The following LMO1 variants were observed in gnomAD, a reference collection of about 807,000 sequenced individuals.
LMO1 encodes the protein LIM domain only 1.
LMO1 carries 10 observed loss-of-function variants against 18.0 expected under a neutral mutation model. That is an observed-to-expected ratio of 0.55 (90% confidence interval 0.34 to 0.94). LMO1 has a LOEUF of 0.94. Among genes scored for constraint, LMO1 ranks in the 40% least tolerant of loss-of-function variants. The probability of loss-of-function intolerance (pLI) is 0.02; values close to 1 mark genes in which losing one functional copy is unlikely to be tolerated. For synonymous variants in LMO1, 77 were observed against 77.9 expected, an observed-to-expected ratio of 0.99 and a Z score of 0.06; for missense variants, 183 against 205.7, an observed-to-expected ratio of 0.89 and a Z score of 0.68.
chr11:8,250,902 C>G lies in LMO1; in HGVS notation c.25+12436G>C, dbSNP rs181305745. On this transcript the variant is annotated intron_variant, in intron 1 of 3. Coordinates refer to ENST00000335790, the MANE Select transcript of LMO1 (RefSeq NM_002315.3). ...TGACTTCCACTCACTGGCCTCCAGG[C>G]TTTGAACCTGCTCCAGGGGTCCCCT... Among the ~76,000 whole-genome samples, 50 of 152,348 alleles carry G rather than the reference C, an allele frequency of 3.3e-4. No homozygotes were observed. In the East Asian group the frequency reaches 7.7e-3, roughly 24 times the overall value.
chr11:8,263,232 C>T lies in LMO1; in HGVS notation c.25+106G>A, dbSNP rs529774020. The T allele has an allele frequency of 1.7e-3, 1,937 of 1,128,454 alleles. 3 individuals are homozygous for T. Among genetic ancestry groups the T allele is most frequent in the Non-Finnish European group, 2.1e-3 (1,756 of 845,404 alleles). 69.9% of individuals were successfully genotyped at this position (1,128,454 alleles called of 1,614,324 possible). A position where few individuals can be genotyped will look rare whatever the true frequency, so the allele number is the denominator to read the frequency against. ...AGCGCGCCGCCCGCCCCGCAATCCC[C>T]GCACAGCCCAGCAGGTGTGCGCCCG... On this transcript the variant is annotated intron_variant, in intron 1 of 3. Transcript: ENST00000335790.
intron 1 of LMO1, among the ~76,000 whole-genome samples, chr11:8,249,249 C>T (rs897692768): frequency 6.6e-6 from 1 of 152,096 alleles, no homozygotes; most frequent in Non-Finnish European, 1.5e-5. Flanking sequence ...ACCCAGACTG[C>T]GAGCTCTGGA....
At chr11:8,257,465 A>G (rs1025436188) in intron 1 of LMO1, among the ~76,000 whole-genome samples, 2 of 152,224 alleles carry the variant, frequency 1.3e-5, no homozygotes, top group Non-Finnish European at 2.9e-5. Flanking sequence ...TAGGCTGGCA[A>G]GGGGCATAAC....
chr11:8,263,006 G>C (rs1363970027), intron 1 of LMO1, among the ~76,000 whole-genome samples: 2 of 152,110 alleles, frequency 1.3e-5, no homozygotes, highest in Non-Finnish European at 2.9e-5. Context: ...GAACCTCCGC[G>C]GCGCGGAGAT....
intron 1 of LMO1, among the ~76,000 whole-genome samples, chr11:8,260,887 G>A (rs1018688092): frequency 1.3e-5 from 2 of 152,132 alleles, no homozygotes; most frequent in Non-Finnish European, 2.9e-5. Flanking sequence ...GGGGAGCCGG[G>A]GGGTGGGGGA....
At chr11:8,268,441 A>G, upstream of LMO1, 1 of 1,466,988 alleles carries the variant, frequency 6.8e-7, no homozygotes, top group South Asian at 1.3e-5. Context: ...CTCCTGGTCC[A>G]ACACCATGGT....
chr11:8,227,501 G>A (rs926333039), intron 2 of LMO1, among the ~76,000 whole-genome samples: 1 of 152,174 alleles, frequency 6.6e-6, no homozygotes, highest in East Asian at 1.9e-4. Flanking sequence ...GTCTCTCTGA[G>A]CCTCATTTAC....
intron 2 of LMO1, among the ~76,000 whole-genome samples, chr11:8,228,468 G>A (rs981319713): frequency 6.6e-6 from 1 of 152,226 alleles, no homozygotes; most frequent in Non-Finnish European, 1.5e-5. Context: ...GGCAGACAAA[G>A]GCTAGGCCAC....
upstream of LMO1, among the ~76,000 whole-genome samples, chr11:8,265,795 C>T (rs966415696): frequency 1.3e-5 from 2 of 152,160 alleles, no homozygotes; most frequent in Admixed American, 6.5e-5. Context: ...AACTTCTTGC[C>T]GTAGAAACCT....
At chr11:8,231,191 T>C (rs770940703) in intron 1 of LMO1, among the ~76,000 whole-genome samples, 5 of 152,304 alleles carry the variant, frequency 3.3e-5, no homozygotes, top group Non-Finnish European at 7.4e-5. Context: ...GCTCTGAGCC[T>C]CTGGATCCTT....
intron 1 of LMO1, among the ~76,000 whole-genome samples, chr11:8,239,143 A>G (rs1952811010): frequency 6.6e-6 from 1 of 152,224 alleles, no homozygotes; most frequent in Non-Finnish European, 1.5e-5. Flanking sequence ...CTGGCCTGTC[A>G]GAATCCAGAG....
chr11:8,263,930 A>AC (rs1223667133), upstream of LMO1: 5 of 976,632 alleles, frequency 5.1e-6, no homozygotes, highest in East Asian at 3.4e-4. Flanking sequence ...TGAGGCCTCC[A>AC]CCCTCCCGGG....
chr11:8,250,161 G>A (rs1846965325), intron 1 of LMO1, among the ~76,000 whole-genome samples: 1 of 152,050 alleles, frequency 6.6e-6, no homozygotes, highest in Non-Finnish European at 1.5e-5. Context: ...ACAAATTAGA[G>A]TTTTTGCCAC....
chr11:8,241,262 C>T (rs1025227286), intron 1 of LMO1, among the ~76,000 whole-genome samples: 1 of 152,192 alleles, frequency 6.6e-6, no homozygotes, highest in Non-Finnish European at 1.5e-5. Flanking sequence ...TCCCTGCCAA[C>T]TCTTGCTCCT....
At chr11:8,268,414 G>T, upstream of LMO1, 1 of 1,468,542 alleles carries the variant, frequency 6.8e-7, no homozygotes, top group South Asian at 1.3e-5. Context: ...GGCACCGGGC[G>T]CCGGGCACCT....
intron 1 of LMO1, among the ~76,000 whole-genome samples, chr11:8,231,596 AC>A (rs1196400336): frequency 6.6e-6 from 1 of 152,010 alleles, no homozygotes; most frequent in Non-Finnish European, 1.5e-5. Context: ...TTGCCTGAGA[AC>A]CCTTGTGAAG....
chr11:8,259,476 T>C (rs1441453187), intron 1 of LMO1, among the ~76,000 whole-genome samples: 1 of 152,166 alleles, frequency 6.6e-6, no homozygotes, highest in African/African-American at 2.4e-5. Context: ...TAGATGCAGA[T>C]GGTAACCCTC....
intron 1 of LMO1, among the ~76,000 whole-genome samples, chr11:8,234,017 G>A (rs747376361): frequency 2.6e-5 from 4 of 152,156 alleles, no homozygotes; most frequent in African/African-American, 9.7e-5. Flanking sequence ...TGTTTGCGCC[G>A]ACACGCACGC....
intron 2 of LMO1, 100 bp from the exon 3 acceptor site, chr11:8,227,200 A>G: frequency 6.6e-7 from 1 of 1,519,244 alleles, no homozygotes; most frequent in South Asian, 1.3e-5. Flanking sequence ...CCATACTCCA[A>G]CTTGTGGGCT....
Sources: gnomAD v4.1 joint callset for allele counts (sites outside exome capture counted in the v4.1 genomes callset) on GRCh38, gnomAD v4.1.1 for gene constraint, MANE v1.5 for transcripts, NCBI Gene and HGNC (gene_info 2026-07-23, HGNC 2026-07-21) for gene names.